FNIP2: variants seen among roughly 807,000 people sequenced by gnomAD.
FNIP2 encodes folliculin-interacting protein 2.
A neutral mutation model predicts 108.7 loss-of-function variants in FNIP2; 32 were observed. The observed-to-expected ratio is 0.29, with a 90% CI of 0.22 to 0.40. The LOEUF (loss-of-function observed/expected upper bound fraction) is 0.40, where lower values mean the gene tolerates loss of function less well. FNIP2 is among the 10% of genes least tolerant of loss of function. The pLI is 1.00. For missense variants in FNIP2, 1,202 were observed against 1,381.6 expected, an observed-to-expected ratio of 0.87 and a Z score of 2.06; for synonymous variants, 480 against 496.7, an observed-to-expected ratio of 0.97 and a Z score of 0.45.
intron 1 of FNIP2, among the ~76,000 whole-genome samples, chr4:158,822,174 CTTTT>C (rs70962634): frequency 3.4e-5 from 4 of 118,170 alleles, no homozygotes; most frequent in Non-Finnish European, 5.3e-5. Context: ...GAGTTTTCCT[CTTTT>C]TTTTTTTTTT....
At chr4:158,848,920 A>T (rs1337339791) in intron 7 of FNIP2, among the ~76,000 whole-genome samples, 10 of 152,136 alleles carry the variant, frequency 6.6e-5, no homozygotes, top group Non-Finnish European at 1.0e-4. Flanking sequence ...TTATGCTTAG[A>T]TTTGATGAAG....
intron 9 of FNIP2, 149 bp from the exon 10 acceptor site, chr4:158,859,429 G>A (rs894890919): frequency 1.8e-5 from 18 of 996,182 alleles, no homozygotes; most frequent in Non-Finnish European, 2.7e-5. Context: ...GGTTACCTTA[G>A]GGAAGGAAAT....
chr4:158,833,979 T>A, intron 6 of FNIP2: 1 of 854,802 alleles, frequency 1.2e-6, no homozygotes, highest in Non-Finnish European at 1.6e-6. Context: ...TGTGCCTCTC[T>A]AGAAATCCAA....
At chr4:158,875,969 C>T (rs1345051945) in intron 14 of FNIP2, among the ~76,000 whole-genome samples, 1 of 152,064 alleles carries the variant, frequency 6.6e-6, no homozygotes, top group Non-Finnish European at 1.5e-5. Flanking sequence ...ATTAGTGAAA[C>T]CTTTGTATTA....
chr4:158,835,203 T>A, intron 6 of FNIP2: 1 of 285,470 alleles, frequency 3.5e-6, no homozygotes. Flanking sequence ...GGCAGATTTT[T>A]ATGAGATGGT....
chr4:158,799,472 A>G (rs1438160937), intron 1 of FNIP2, among the ~76,000 whole-genome samples: 1 of 152,170 alleles, frequency 6.6e-6, no homozygotes, highest in African/African-American at 2.4e-5. Context: ...TTACATAAGA[A>G]TTTCTGCAGC....
At position 158,800,570 on chromosome 4, in the gene FNIP2, T is replaced by A. The variant is rs540749806; in HGVS notation, c.108-25346T>A. 4.2e-3 allele frequency among the ~76,000 whole-genome samples: 637 copies of A among 152,308 alleles called. 2 individuals carry two copies. Among genetic ancestry groups the A allele is most frequent in the Non-Finnish European group, 7.5e-3 (511 of 68,016 alleles). The stretch of plus-strand genomic sequence containing the variant: ...GATCATTAATGGCAAGAATTTTTTT[T>A]AAAAATAGTTTTTCCCATTGTTTGT... On this transcript the variant is annotated intron_variant, in intron 1 of 16. Transcript: ENST00000264433.
chr4:158,820,610 C>T (rs1469297405), intron 1 of FNIP2, among the ~76,000 whole-genome samples: 4 of 152,184 alleles, frequency 2.6e-5, no homozygotes, highest in Non-Finnish European at 4.4e-5. Flanking sequence ...CATTCCTTGG[C>T]ATAAAATTTA....
At chr4:158,893,277 T>C (rs80301536) in intron 15 of FNIP2, 532 of 161,594 alleles carry the variant, frequency 3.3e-3, no homozygotes, top group Middle Eastern at 0.015. Context: ...TAGAGCCCCA[T>C]AACCTGGGGT....
At chr4:158,858,907 T>A (rs1780135054) in intron 8 of FNIP2, 150 bp from the exon 9 acceptor site, 1 of 655,016 alleles carries the variant, frequency 1.5e-6, no homozygotes, top group African/African-American at 1.8e-5. Flanking sequence ...CTCATCTTCA[T>A]GCCAGGGAAT....
chr4:158,840,815 G>C (rs187622767), intron 7 of FNIP2, among the ~76,000 whole-genome samples: 1 of 152,164 alleles, frequency 6.6e-6, no homozygotes, highest in African/African-American at 2.4e-5. Flanking sequence ...ACTCTTCCTC[G>C]TCAAGGTGTT....
intron 1 of FNIP2, among the ~76,000 whole-genome samples, chr4:158,797,168 T>G (rs1776616204): frequency 6.6e-6 from 1 of 152,218 alleles, no homozygotes; most frequent in African/African-American, 2.4e-5. Flanking sequence ...TAGCAATGAA[T>G]GTATTGCATG....
intron 1 of FNIP2, among the ~76,000 whole-genome samples, chr4:158,821,859 G>A (rs1299964865): frequency 6.6e-6 from 1 of 152,216 alleles, no homozygotes; most frequent in East Asian, 1.9e-4. Context: ...AGGCTGAGGC[G>A]GGCAGATTGC....
At chr4:158,858,509 G>A (rs1780111816) in intron 8 of FNIP2, among the ~76,000 whole-genome samples, 1 of 152,178 alleles carries the variant, frequency 6.6e-6, no homozygotes. Context: ...TACTGTAGCA[G>A]AAGAGAGGTA....
At chr4:158,839,026 A>G (rs1560791583) in intron 7 of FNIP2, among the ~76,000 whole-genome samples, 1 of 152,234 alleles carries the variant, frequency 6.6e-6, no homozygotes, top group Non-Finnish European at 1.5e-5. Context: ...ATAAGGGTAT[A>G]TATCACCAAC....
At chr4:158,860,282 G>A (rs1033293337) in intron 10 of FNIP2, among the ~76,000 whole-genome samples, 1 of 152,088 alleles carries the variant, frequency 6.6e-6, no homozygotes, top group Non-Finnish European at 1.5e-5. Flanking sequence ...AGTCATGAGC[G>A]AATGAGTCAA....
intron 16 of FNIP2, among the ~76,000 whole-genome samples, chr4:158,901,390 A>C (rs539384952): frequency 1.1e-4 from 16 of 152,176 alleles, no homozygotes; most frequent in African/African-American, 3.9e-4. Flanking sequence ...CTTTGTGGGT[A>C]ACCTGACCTC....
intron 12 of FNIP2, among the ~76,000 whole-genome samples, chr4:158,867,171 A>C (rs1780631373): frequency 6.6e-6 from 1 of 152,098 alleles, no homozygotes; most frequent in Non-Finnish European, 1.5e-5. Flanking sequence ...CTAATGGGAC[A>C]TACTTTTTTC....
intron 14 of FNIP2, among the ~76,000 whole-genome samples, chr4:158,875,498 G>T (rs1279033810): frequency 9.8e-6 from 1 of 101,742 alleles, no homozygotes; most frequent in African/African-American, 5.5e-5. Context: ...AAAGAGCTTT[G>T]CTAAAAGCCT....
Sources: gnomAD v4.1 joint callset for allele counts (sites outside exome capture counted in the v4.1 genomes callset) on GRCh38, gnomAD v4.1.1 for gene constraint, MANE v1.5 for transcripts, NCBI Gene and HGNC (gene_info 2026-07-23, HGNC 2026-07-21) for gene names.